MFN1: variants seen among roughly 807,000 people sequenced by gnomAD.
MFN1 encodes the protein mitofusin-1.
Under a neutral mutation model 92.4 loss-of-function variants are expected in MFN1, and 65 were observed. The observed-to-expected ratio is 0.70, with a 90% CI of 0.58 to 0.86. MFN1 has a LOEUF of 0.86. Ranked by LOEUF, MFN1 falls within the 40% of genes least tolerant of loss-of-function variation. The probability of loss-of-function intolerance (pLI) is 0.00; values close to 1 mark genes in which losing one functional copy is unlikely to be tolerated. For missense variants in MFN1, 781 were observed against 868.0 expected (o/e 0.90, Z 1.26); for synonymous variants, 297 against 300.9 (o/e 0.99, Z 0.13).
chr3:179,375,419 TG>T (rs1276373270), intron 10 of MFN1, 78 bp downstream of exon 10: 8 of 1,552,272 alleles, frequency 5.2e-6, no homozygotes, highest in Non-Finnish European at 7.0e-6. Flanking sequence ...TTTAAATTGT[TG>T]TACTATAAAT....
intron 3 of MFN1, among the ~76,000 whole-genome samples, chr3:179,353,113 G>A (rs1452005953): frequency 6.8e-6 from 1 of 146,988 alleles, no homozygotes; most frequent in Non-Finnish European, 1.5e-5. Flanking sequence ...GAGTGCAGTG[G>A]CACCATCTCG....
intron 14 of MFN1, 51 bp downstream of exon 14, chr3:179,378,865 A>G: frequency 7.2e-7 from 1 of 1,396,550 alleles, no homozygotes; most frequent in South Asian, 1.3e-5. Context: ...TATTTTGTTT[A>G]TGTGGTTTTT....
At chr3:179,361,381 T>C (rs1712569962) in intron 4 of MFN1, among the ~76,000 whole-genome samples, 1 of 152,212 alleles carries the variant, frequency 6.6e-6, no homozygotes, top group African/African-American at 2.4e-5. Flanking sequence ...GTGTGATGGA[T>C]AGGTCTGGGC....
chr3:179,358,049 A>G (rs552668976), intron 3 of MFN1, among the ~76,000 whole-genome samples: 5 of 151,884 alleles, frequency 3.3e-5, no homozygotes, highest in Non-Finnish European at 2.9e-5. Flanking sequence ...GACTTTTTAC[A>G]TGGCAAGGCT....
intron 9 of MFN1, among the ~76,000 whole-genome samples, chr3:179,374,459 A>G (rs921799963): frequency 3.4e-5 from 5 of 145,676 alleles, no homozygotes; most frequent in African/African-American, 1.3e-4. Flanking sequence ...CAAATGTGAA[A>G]TGTATCCATT....
At position 179,393,635 on chromosome 3, in the gene MFN1, T is replaced by C. The variant is rs1048781365; in HGVS notation, c.*1576T>C. 6 of 152,214 alleles carry C rather than the reference T, an allele frequency of 3.9e-5. No individual in the cohort carries two copies. Among genetic ancestry groups the C allele is most frequent in the Non-Finnish European group, 8.8e-5 (6 of 68,032 alleles). The allele number at this position is 152,214 out of a possible 1,614,324, so 9.4% of individuals were successfully genotyped here. ...TTTGGTGTTTAGCTTTTATTGCTCA[T>C]TTATAACCCAAGAAATGGTACAGAC... On this transcript the variant is annotated 3_prime_UTR_variant, in exon 18 of 18. Coordinates refer to ENST00000471841, the MANE Select transcript of MFN1 (RefSeq NM_033540.3).
rs1020469310 is a variant in MFN1, at chr3:179,377,242, C to T, written c.1224+74C>T. ...TTTGATAATGCTAAAAATGTTATTC[C>T]TGTTACTTTAAAAGAATGTTTTCAG... On this transcript the variant is annotated intron_variant, in intron 11 of 17. Transcript: ENST00000471841. 3.9e-6 allele frequency: 6 copies of T among 1,537,396 alleles called. No individual in the cohort carries two copies. In the African/African-American group the frequency reaches 7.0e-5, roughly 18 times the overall value.
intron 3 of MFN1, among the ~76,000 whole-genome samples, chr3:179,354,648 G>A (rs1712279171): frequency 1.3e-5 from 2 of 152,224 alleles, no homozygotes; most frequent in Admixed American, 6.5e-5. Flanking sequence ...AATGGCTGCT[G>A]CATAGGCAGA....
chr3:179,352,575 A>G (rs1712189003), intron 3 of MFN1, among the ~76,000 whole-genome samples: 1 of 152,344 alleles, frequency 6.6e-6, no homozygotes, highest in East Asian at 1.9e-4. Flanking sequence ...ATCTCCGCCA[A>G]TGAACTGACA....
In MFN1 at chr3:179,386,566, C is replaced by T. The variant is rs1290943220; in HGVS notation, c.1949C>T (p.Ala650Val). The change falls in exon 16 of 18, where the codon GCA becomes GTA. Residue 650 changes from alanine (A) to valine (V), a missense_variant. Transcript: ENST00000471841. ...TTTAAACAGCAGTTTGTAAACTATG[C>T]AACTGAAAAACTGAGGATGATTGTT... Reference protein sequence around the residue: ...RAFKQQFVNYATEKLRMIVSS... With the variant: ...RAFKQQFVNYVTEKLRMIVSS... 3.1e-6 allele frequency: 5 copies of T among 1,613,868 alleles called. No individual in the cohort carries two copies. Among genetic ancestry groups the T allele is most frequent in the Non-Finnish European group, 4.2e-6 (5 of 1,179,986 alleles).
intron 10 of MFN1, 77 bp from the exon 11 acceptor site, chr3:179,376,965 C>A (rs1419794373): frequency 5.5e-6 from 8 of 1,455,114 alleles, no homozygotes; most frequent in Non-Finnish European, 7.4e-6. Context: ...TGGTTCAATA[C>A]ATGAATGAGT....
At position 179,358,934 on chromosome 3, in the gene MFN1, G is replaced by C. The variant is rs1712452782; in HGVS notation, c.343G>C (p.Val115Leu). ...CCATATAACCAATTGCTTCCTAAGT[G>C]TTGAAGGAACTGATGGAGATAAAGC... The part of the protein sequence containing the change: ...IGHITNCFLS[V>L]EGTDGDKAYL... Residue 115 changes from valine (V) to leucine (L), a missense_variant, in exon 4 of 18, where the codon GTT becomes CTT. Coordinates refer to ENST00000471841, the MANE Select transcript of MFN1 (RefSeq NM_033540.3). The C allele has an allele frequency of 6.2e-7, 1 of 1,613,904 alleles. No homozygotes were observed. Among genetic ancestry groups the C allele is most frequent in the Non-Finnish European group, 8.5e-7 (1 of 1,179,990 alleles).
In MFN1 at chr3:179,378,347, A is replaced by AAT. The variant is rs1713330429; in HGVS notation, c.1338_1339dup (p.Lys447IlefsTer4). On this transcript the variant is annotated frameshift_variant, in exon 13 of 18. Transcript: ENST00000471841. LOFTEE classifies it high-confidence loss of function. ...TATTTACCATTGTTAACAGGAATTA[A>AAT]ATAAGCACATAGAGGATGGTATGGG... 1.3e-6 allele frequency: 2 copies of AAT among 1,588,306 alleles called. No homozygotes were observed. The highest frequency in any genetic ancestry group is 3.8e-5 in the Admixed American group (2 of 52,906).
At chr3:179,376,966 A>G (rs941159672) in intron 10 of MFN1, 76 bp from the exon 11 acceptor site, 42 of 1,478,932 alleles carry the variant, frequency 2.8e-5, no homozygotes, top group Non-Finnish European at 3.8e-5. Flanking sequence ...GGTTCAATAC[A>G]TGAATGAGTC....
intron 8 of MFN1, 104 bp from the exon 9 acceptor site, chr3:179,367,932 A>T: frequency 2.0e-6 from 1 of 498,642 alleles, no homozygotes; most frequent in Non-Finnish European, 2.7e-6. Flanking sequence ...TCGGGGGAAA[A>T]AGTATATATA....
Position 179,378,598 on chromosome 3 carries a change from A to G in MFN1, c.1446A>G (p.Pro482=), listed in dbSNP as rs1713344681. The G allele has an allele frequency of 1.2e-6, 2 of 1,609,192 alleles. No individual in the cohort carries two copies. The highest frequency in any genetic ancestry group is 1.7e-4 in the Middle Eastern group (1 of 5,978). The change falls in exon 14 of 18, where the codon CCA becomes CCG. Residue 482 remains proline (P), a synonymous_variant. Coordinates refer to ENST00000471841, the MANE Select transcript of MFN1 (RefSeq NM_033540.3). ...TQQEIIENLK[P]LLPAGIQDKL... The stretch of plus-strand genomic sequence containing the variant: ...TGTTCTTTCTAGAAAATTTGAAGCC[A>G]TTACTTCCAGCTGGTATACAGGATA...
chr3:179,375,059 T>G (rs1713185157), intron 9 of MFN1, among the ~76,000 whole-genome samples, 161 bp from the exon 10 acceptor site: 1 of 152,268 alleles, frequency 6.6e-6, no homozygotes, highest in Non-Finnish European at 1.5e-5. Flanking sequence ...CTTTGTATTT[T>G]TTTCACCTTT....
intron 10 of MFN1, among the ~76,000 whole-genome samples, chr3:179,376,216 G>A (rs926153097): frequency 6.6e-6 from 1 of 152,146 alleles, no homozygotes; most frequent in Non-Finnish European, 1.5e-5. Flanking sequence ...CATATAAAAC[G>A]CAAGGATCAG....
chr3:179,379,387 G>A (rs570696519), intron 14 of MFN1, among the ~76,000 whole-genome samples: 8 of 152,092 alleles, frequency 5.3e-5, no homozygotes, highest in South Asian at 2.1e-4. Context: ...AGAGACCTGC[G>A]CTGTGGCTCA....
Sources: gnomAD v4.1 joint callset for allele counts (sites outside exome capture counted in the v4.1 genomes callset) on GRCh38, gnomAD v4.1.1 for gene constraint, MANE v1.5 for transcripts, NCBI Gene and HGNC (gene_info 2026-07-23, HGNC 2026-07-21) for gene names.